Variants in CSGALNACT1 observed in about 807,000 individuals in gnomAD.
The protein encoded by CSGALNACT1 is chondroitin sulfate N-acetylgalactosaminyltransferase 1.
CSGALNACT1 carries 52 observed loss-of-function variants against 51.0 expected under a neutral mutation model. The ratio of observed to expected loss-of-function variants is 1.02; its 90% CI spans 0.82 to 1.29. The LOEUF is 1.29. CSGALNACT1 is among the 50% of genes most tolerant of loss of function. CSGALNACT1 has a pLI of 0.00. For missense variants in CSGALNACT1, 935 were observed against 679.2 expected (o/e 1.38, Z -4.19); for synonymous variants, 341 against 254.4 (o/e 1.34, Z -3.24).
intron 3 of CSGALNACT1, among the ~76,000 whole-genome samples, chr8:19,554,832 C>A (rs1210346169): frequency 6.6e-6 from 1 of 151,990 alleles, no homozygotes; most frequent in African/African-American, 2.4e-5. Flanking sequence ...ACAGGATAAT[C>A]ACTTGAACCT....
At chr8:19,692,631 A>C (rs935970808) in intron 1 of CSGALNACT1, among the ~76,000 whole-genome samples, 2 of 152,212 alleles carry the variant, frequency 1.3e-5, no homozygotes, top group Non-Finnish European at 2.9e-5. Flanking sequence ...GCCATCCAGG[A>C]CATAAAGGCA....
rs1435186019 is a variant in CSGALNACT1, at chr8:19,666,797, AAGAAAGAAAGAAAG to A, written c.-544+15662_-544+15675del. ...AAAGAAAGAAAGAAAGAAAGAAAGA[AAGAAAGAAAGAAAG>A]AGAGAGAGAGAGAGAGAGAGAGAAA... On this transcript the variant is annotated intron_variant, in intron 1 of 9. Transcript: ENST00000332246. Among the ~76,000 whole-genome samples, 55 of 22,066 alleles carry A rather than the reference AAGAAAGAAAGAAAG, an allele frequency of 2.5e-3. 3 individuals are homozygous for A. Among genetic ancestry groups the A allele is most frequent in the South Asian group, 0.025 (15 of 608 alleles). 14.5% of individuals were successfully genotyped at this position (22,066 alleles called of 152,430 possible). A position where few individuals can be genotyped will look rare whatever the true frequency, so the allele number is the denominator to read the frequency against.
intron 4 of CSGALNACT1, among the ~76,000 whole-genome samples, chr8:19,462,232 G>A (rs943618264): frequency 9.2e-5 from 14 of 152,336 alleles, no homozygotes; most frequent in African/African-American, 1.7e-4. Flanking sequence ...ACTGCATCTC[G>A]TTGAGTTTCT....
chr8:19,472,316 G>T (rs760658932), intron 4 of CSGALNACT1, among the ~76,000 whole-genome samples: 3 of 152,204 alleles, frequency 2.0e-5, no homozygotes, highest in Non-Finnish European at 2.9e-5. Context: ...GAAGCAATAA[G>T]CAGGAACCAA....
intron 4 of CSGALNACT1, among the ~76,000 whole-genome samples, chr8:19,487,429 G>T (rs988066486): frequency 3.3e-5 from 5 of 152,142 alleles, no homozygotes; most frequent in Non-Finnish European, 7.4e-5. Flanking sequence ...CCAGGACACG[G>T]CCCACATGTC....
chr8:19,587,295 C>G (rs1405742612), intron 3 of CSGALNACT1, among the ~76,000 whole-genome samples: 1 of 152,224 alleles, frequency 6.6e-6, no homozygotes, highest in Non-Finnish European at 1.5e-5. Context: ...GGTTCAGAAA[C>G]ACTGGCTTAG....
At chr8:19,691,367 A>T (rs1382831977) in intron 1 of CSGALNACT1, among the ~76,000 whole-genome samples, 1 of 152,240 alleles carries the variant, frequency 6.6e-6, no homozygotes. Flanking sequence ...CTCAGCTACC[A>T]GGGTCATTTG....
At chr8:19,546,042 T>G (rs983907230) in intron 3 of CSGALNACT1, among the ~76,000 whole-genome samples, 3 of 151,966 alleles carry the variant, frequency 2.0e-5, no homozygotes. Context: ...GTCATACCAT[T>G]AGATCAAATT....
intron 2 of CSGALNACT1, among the ~76,000 whole-genome samples, chr8:19,594,075 G>C (rs1011631078): frequency 6.6e-6 from 1 of 152,130 alleles, no homozygotes. Context: ...GGAGTGGTTT[G>C]AGCTGAGGGT....
chr8:19,715,662 T>G (rs563634521), intron 1 of CSGALNACT1, among the ~76,000 whole-genome samples: 1 of 152,352 alleles, frequency 6.6e-6, no homozygotes, highest in East Asian at 1.9e-4. Context: ...GTAATTTTTA[T>G]ATTGAAAGTG....
At chr8:19,752,607 T>A (rs1191079329) in intron 1 of CSGALNACT1, among the ~76,000 whole-genome samples, 2 of 152,204 alleles carry the variant, frequency 1.3e-5, no homozygotes, top group Non-Finnish European at 2.9e-5. Context: ...GTTCCTAGTA[T>A]CAAGCTGCAG....
chr8:19,449,334 A>G (rs543326911), intron 5 of CSGALNACT1, among the ~76,000 whole-genome samples: 70 of 152,316 alleles, frequency 4.6e-4, no homozygotes, highest in Middle Eastern at 3.4e-3. Flanking sequence ...TCTGTTGTAC[A>G]AAGTGAAATG....
intron 4 of CSGALNACT1, among the ~76,000 whole-genome samples, chr8:19,490,308 T>G (rs2074073720): frequency 6.6e-6 from 1 of 152,120 alleles, no homozygotes; most frequent in Admixed American, 6.5e-5. Flanking sequence ...AAACAGTATT[T>G]TGGGAAAGAG....
intron 6 of CSGALNACT1, among the ~76,000 whole-genome samples, chr8:19,426,100 C>T (rs538241485): frequency 6.6e-6 from 1 of 152,258 alleles, no homozygotes; most frequent in South Asian, 2.1e-4. Flanking sequence ...AGAGATTATC[C>T]AGCACTGTGC....
chr8:19,642,792 A>C (rs534271818), intron 1 of CSGALNACT1, among the ~76,000 whole-genome samples: 30 of 151,982 alleles, frequency 2.0e-4, no homozygotes, highest in Middle Eastern at 3.4e-3. Context: ...CTGTCACAAA[A>C]AAAAAAAAAA....
intron 4 of CSGALNACT1, among the ~76,000 whole-genome samples, chr8:19,477,932 G>C (rs746249234): frequency 2.0e-5 from 3 of 152,196 alleles, no homozygotes; most frequent in East Asian, 1.9e-4. Context: ...GCGCCAGTTA[G>C]ACAGTCAAAT....
intron 1 of CSGALNACT1, among the ~76,000 whole-genome samples, chr8:19,633,237 G>A (rs138222650): frequency 7.6e-4 from 115 of 152,154 alleles, no homozygotes; most frequent in African/African-American, 2.6e-3. Flanking sequence ...ATTGAGTCTC[G>A]AGGCTGGAGA....
At chr8:19,407,670 A>AT (rs1299168677) in intron 9 of CSGALNACT1, among the ~76,000 whole-genome samples, 1 of 152,064 alleles carries the variant, frequency 6.6e-6, no homozygotes, top group Non-Finnish European at 1.5e-5. Flanking sequence ...CCTCACCTAG[A>AT]TCCCAAGGGC....
At chr8:19,459,049 T>C (rs1215959854) in intron 4 of CSGALNACT1, among the ~76,000 whole-genome samples, 2 of 152,186 alleles carry the variant, frequency 1.3e-5, no homozygotes, top group Non-Finnish European at 1.5e-5. Context: ...AAAATAATTA[T>C]ACTTAATTTT....
Sources: gnomAD v4.1 joint callset for allele counts (sites outside exome capture counted in the v4.1 genomes callset) on GRCh38, gnomAD v4.1.1 for gene constraint, MANE v1.5 for transcripts, NCBI Gene and HGNC (gene_info 2026-07-23, HGNC 2026-07-21) for gene names.